UBR4: variants seen among roughly 807,000 people sequenced by gnomAD.
The protein encoded by UBR4 is ubiquitin protein ligase E3 component n-recognin 4.
Under a neutral mutation model 575.6 loss-of-function variants are expected in UBR4, and 124 were observed. The ratio of observed to expected loss-of-function variants is 0.22; its 90% CI spans 0.19 to 0.25. The LOEUF (loss-of-function observed/expected upper bound fraction) is 0.25. UBR4 is among the 10% of genes least tolerant of loss of function. UBR4 has a pLI of 1.00. For synonymous variants in UBR4, 2,455 were observed against 2,473.7 expected (o/e 0.99, Z 0.22); for missense variants, 4,818 against 6,478.8 (o/e 0.74, Z 8.80).
At position 19,089,302 on chromosome 1, in the gene UBR4, GAGA is replaced by G. The variant is rs1263560456; in HGVS notation, c.14212-328_14212-326del. Among the ~76,000 whole-genome samples, 1 of 152,192 alleles carries G rather than the reference GAGA, an allele frequency of 6.6e-6. No individual in the cohort carries two copies. The highest frequency in any genetic ancestry group is 1.5e-5 in the Non-Finnish European group (1 of 68,044). On this transcript the variant is annotated intron_variant, in intron 97 of 105. Transcript: ENST00000375254. This position sits in a 1 kb window ranked among gnomAD's most constrained non-coding sequence, Gnocchi z 4.3. ...CACAGAGGATGTGGAAAGGGGCCAG[GAGA>G]AGATCCCCGTATTCTGGTAAGACAA... is the stretch of plus-strand genomic sequence containing the variant.
At position 19,096,680 on chromosome 1, in the gene UBR4, G is replaced by T. The variant is rs1271928119; in HGVS notation, c.13391-30C>A. 3.7e-6 allele frequency: 6 copies of T among 1,612,192 alleles called. No homozygotes were observed. The South Asian group carries it at 4.4e-5, about 12-fold the overall frequency. On this transcript the variant is annotated intron_variant, in intron 91 of 105. Transcript: ENST00000375254. Reference sequence around the variant, plus strand: ...GGGAGAAGGGAAGCCAAGCAGAAATGGAGGGTAAGGTGAAGATGGGAATAA... The same window carrying T: ...GGGAGAAGGGAAGCCAAGCAGAAATTGAGGGTAAGGTGAAGATGGGAATAA...
intron 48 of UBR4, chr1:19,151,366 C>T (rs2085676715): frequency 3.8e-6 from 2 of 526,080 alleles, no homozygotes; most frequent in South Asian, 2.3e-5. Context: ...TCGGCCTAAA[C>T]ACAGAAGTAG....
chr1:19,106,621 T>G lies in UBR4; in HGVS notation c.12341A>C (p.Lys4114Thr). 1 of 1,603,024 alleles carries G rather than the reference T, an allele frequency of 6.2e-7. No individual in the cohort carries two copies. Among genetic ancestry groups the G allele is most frequent in the Non-Finnish European group, 8.5e-7 (1 of 1,174,980 alleles). The change falls in exon 83 of 106, where the codon AAG becomes ACG. Residue 4114 changes from lysine (K) to threonine (T), a missense_variant. By Grantham distance (78) the Lys-to-Thr change is moderately conservative. This residue lies in a region of UBR4 where 178 missense variants were observed against 175.5 expected (regional missense o/e 1.01). Transcript: ENST00000375254. The stretch of plus-strand genomic sequence containing the variant: ...TTTGAGATCCAAGGGGGAGGTCCTC[T>G]TCCCCCGACGACTCAGGAACTGTTT... ...RWKQFLSRRG[K>T]RTSPLDLKLG...
chr1:19,145,074 T>C (rs1327041279), intron 53 of UBR4, among the ~76,000 whole-genome samples, 167 bp from the exon 54 acceptor site: 1 of 152,242 alleles, frequency 6.6e-6, no homozygotes, highest in Non-Finnish European at 1.5e-5. Flanking sequence ...GTATTATTTA[T>C]GATTTGTTTC....
At chr1:19,133,927 T>A (rs2082857940) in intron 60 of UBR4, among the ~76,000 whole-genome samples, 1 of 151,410 alleles carries the variant, frequency 6.6e-6, no homozygotes, top group Admixed American at 6.6e-5. Context: ...AAAAATACAA[T>A]AATTAGCTGG....
Position 19,179,224 on chromosome 1 carries a change from A to G in UBR4, c.2185-4T>C, listed in dbSNP as rs774433630. ...CTAGCTGCTGCAACAGTGTGTTCTG[A>G]CAAGAAAGACATGGAACAGAACATT... On this transcript the variant is annotated splice_polypyrimidine_tract_variant and splice_region_variant and intron_variant, in intron 17 of 105. Coordinates refer to ENST00000375254, the MANE Select transcript of UBR4 (RefSeq NM_020765.3). The G allele has an allele frequency of 7.7e-6, 12 of 1,564,448 alleles. No homozygotes were observed. In the South Asian group the frequency reaches 1.3e-4, roughly 17 times the overall value.
intron 17 of UBR4, 38 bp downstream of exon 17, chr1:19,183,773 C>A: frequency 6.3e-7 from 1 of 1,595,752 alleles, no homozygotes; most frequent in South Asian, 1.1e-5. Flanking sequence ...AAGCTGGTGT[C>A]ATGAGCTCTT....
chr1:19,116,347 T>C (rs532450819), intron 73 of UBR4, among the ~76,000 whole-genome samples: 4 of 152,278 alleles, frequency 2.6e-5, no homozygotes, highest in African/African-American at 9.6e-5. Context: ...CTCCACACAA[T>C]GAAAAATCAA....
At chr1:19,163,863 C>T (rs1163886733) in intron 33 of UBR4, 36 bp from the exon 34 acceptor site, 2 of 1,610,304 alleles carry the variant, frequency 1.2e-6, no homozygotes, top group African/African-American at 2.7e-5. Context: ...AAAGAGGAGA[C>T]ACAAAATCAT....
At chr1:19,151,024 C>T (rs1014912223) in intron 48 of UBR4, 1 of 572,708 alleles carries the variant, frequency 1.7e-6, no homozygotes, top group African/African-American at 1.9e-5. Context: ...CAGAAGAGTC[C>T]CTAACCATCA....
In UBR4 at chr1:19,162,492, C is replaced by T; in HGVS notation, c.4884G>A (p.Arg1628=). The T allele has an allele frequency of 6.2e-7, 1 of 1,613,984 alleles. No individual in the cohort carries two copies. Among genetic ancestry groups the T allele is most frequent in the South Asian group, 1.1e-5 (1 of 91,068 alleles). Reference sequence around the variant, plus strand: ...CCCAGTCTGAGTCTACTTCAATGGCCCGCTCTTCCCCATCCACTGAGAGAT... The same window carrying T: ...CCCAGTCTGAGTCTACTTCAATGGCTCGCTCTTCCCCATCCACTGAGAGAT... ...PSHLSVDGEE[R]AIEVDSDWVE... The change falls in exon 35 of 106, where the codon CGG becomes CGA. Residue 1628 remains arginine, a synonymous_variant. Transcript: ENST00000375254.
intron 49 of UBR4, chr1:19,149,862 C>G: frequency 8.1e-7 from 1 of 1,234,106 alleles, no homozygotes; most frequent in Non-Finnish European, 1.1e-6. Context: ...CCCGGAAACA[C>G]ATCCTAAGCA....
chr1:19,128,695 A>C (rs1441504517), intron 61 of UBR4, among the ~76,000 whole-genome samples: 1 of 152,206 alleles, frequency 6.6e-6, no homozygotes, highest in Non-Finnish European at 1.5e-5. Context: ...CCACACTCTA[A>C]TATCAACATA....
intron 60 of UBR4, among the ~76,000 whole-genome samples, chr1:19,136,946 T>C (rs1362835858): frequency 1.3e-5 from 2 of 152,124 alleles, no homozygotes; most frequent in African/African-American, 4.8e-5. Context: ...CCCCTTTAAA[T>C]GTCTCTGATG....
chr1:19,210,077 C>G lies in UBR4; in HGVS notation c.172G>C (p.Glu58Gln). The G allele has an allele frequency of 5.1e-6, 8 of 1,563,342 alleles. No homozygotes were observed. In the Middle Eastern group the frequency reaches 6.7e-4, roughly 131 times the overall value. The change falls in exon 1 of 106, where the codon GAG (glutamate) becomes CAG (glutamine). Residue 58 changes from glutamate (E) to glutamine (Q), a missense_variant. Transcript: ENST00000375254. ...ELPQLVASVI[E>Q]SESEILHHEK... ...GCCAGAGCCGCCGCCCGGTACCTCTCGATGACTGAGGCCACCAGCTGCGGC... is the reference window on the plus strand; with the variant it reads ...GCCAGAGCCGCCGCCCGGTACCTCTGGATGACTGAGGCCACCAGCTGCGGC...
rs535369262 is a variant in UBR4, at chr1:19,166,714, CAAAAAAAAAAAAAAAAAAA to C, written c.4109+289_4109+307del. Among the ~76,000 whole-genome samples, 95 of 73,748 alleles carry C rather than the reference CAAAAAAAAAAAAAAAAAAA, an allele frequency of 1.3e-3. 6 individuals carry two copies. Among genetic ancestry groups the C allele is most frequent in the East Asian group, 4.7e-3 (12 of 2,554 alleles). 48.4% of individuals were successfully genotyped at this position (73,748 alleles called of 152,430 possible). On this transcript the variant is annotated intron_variant, in intron 29 of 105. Coordinates refer to ENST00000375254, the MANE Select transcript of UBR4 (RefSeq NM_020765.3). ...ACAACATGGCAAACTCCATCTCTAC[CAAAAAAAAAAAAAAAAAAA>C]AAAAAAAAAAAAAAAAAAAAAAACC...
Position 19,117,343 on chromosome 1 carries a change from G to A in UBR4, c.10701C>T (p.Gly3567=). The change falls in exon 73 of 106, where the codon GGC becomes GGT. Residue 3567 remains glycine (G), a synonymous_variant. Coordinates refer to ENST00000375254, the MANE Select transcript of UBR4 (RefSeq NM_020765.3). The surrounding 1 kb of genome is among the most constrained non-coding windows in gnomAD (Gnocchi z 4.0). ...TTTQQVVKLI[G]SHTISKVTVK... Reference sequence around the variant, plus strand: ...CTGTCACTTTGCTGATGGTGTGACTGCCAATGAGCTTCACAACCTGCTGGG... The same window carrying A: ...CTGTCACTTTGCTGATGGTGTGACTACCAATGAGCTTCACAACCTGCTGGG... 6.2e-7 allele frequency: 1 copy of A among 1,614,186 alleles called. No homozygotes were observed.
chr1:19,155,328 C>A, intron 43 of UBR4, 113 bp downstream of exon 43: 2 of 1,167,102 alleles, frequency 1.7e-6, no homozygotes, highest in Non-Finnish European at 1.2e-6. Context: ...AAAAAAAGAT[C>A]CAGTTAGATG....
chr1:19,101,115 G>C (rs1474985309), intron 88 of UBR4, among the ~76,000 whole-genome samples: 2 of 152,032 alleles, frequency 1.3e-5, no homozygotes, highest in South Asian at 2.1e-4. Flanking sequence ...TCAGGCTAGG[G>C]AAAAAAACAC....
Sources: allele counts gnomAD v4.1 joint callset (sites outside exome capture counted in the v4.1 genomes callset), GRCh38; gene constraint gnomAD v4.1.1; regional missense constraint gnomAD v4.1.1; non-coding constraint Gnocchi (gnomAD v3.1); transcripts MANE v1.5; gene names NCBI Gene and HGNC (gene_info 2026-07-23, HGNC 2026-07-21).